The following OR1F1 variants were observed in gnomAD, a reference collection of about 807,000 sequenced individuals.
OR1F1 encodes olfactory receptor 1F1.
For synonymous variants in OR1F1, 184 were observed against 156.7 expected, an observed-to-expected ratio of 1.17 and a Z score of -1.30; for missense variants, 493 against 376.3, an observed-to-expected ratio of 1.31 and a Z score of -2.57.
the OR1F1 span, among the ~76,000 whole-genome samples, chr16:3,194,495 A>T: frequency 6.6e-6 from 1 of 152,318 alleles, no homozygotes; most frequent in South Asian, 2.1e-4. Context: ...AACCTCAGAA[A>T]AGAACGTTCA....
chr16:3,188,458 A>G, the OR1F1 span: 1 of 152,272 alleles, frequency 6.6e-6, no homozygotes, highest in Admixed American at 6.5e-5. Flanking sequence ...AGGATTCCAG[A>G]GTATGGCTGC....
At chr16:3,204,714 C>T in exon 1 of OR1F1, 1 of 1,614,136 alleles carries the variant, frequency 6.2e-7, no homozygotes, top group Non-Finnish European at 8.5e-7. Context: ...ACCTGAATGT[C>T]CTTCTGCACA....
chr16:3,195,255 T>C, the OR1F1 span, among the ~76,000 whole-genome samples: 1 of 152,072 alleles, frequency 6.6e-6, no homozygotes, highest in Non-Finnish European at 1.5e-5. Context: ...GGTAACTCAT[T>C]GTGCTAATTG....
the OR1F1 span, among the ~76,000 whole-genome samples, chr16:3,198,319 C>A: frequency 6.6e-6 from 1 of 151,988 alleles, no homozygotes; most frequent in Non-Finnish European, 1.5e-5. Context: ...CCAGGAAGAG[C>A]GGGTGTTTTC....
the OR1F1 span, among the ~76,000 whole-genome samples, chr16:3,196,699 CTTTTTTT>C: frequency 0.014 from 1,703 of 123,944 alleles, 44 homozygotes; most frequent in African/African-American, 0.049. Flanking sequence ...TGAAATTAAT[CTTTTTTT>C]TTTTTTTTTT....
At chr16:3,191,635 C>T in the OR1F1 span, among the ~76,000 whole-genome samples, 1 of 152,114 alleles carries the variant, frequency 6.6e-6, no homozygotes, top group Non-Finnish European at 1.5e-5. Context: ...TGAACACTAC[C>T]AGGTGCCACA....
At chr16:3,202,517 G>C (rs939173864), upstream of OR1F1, among the ~76,000 whole-genome samples, 2 of 151,942 alleles carry the variant, frequency 1.3e-5, no homozygotes, top group South Asian at 4.1e-4. Context: ...CAGATCTTTC[G>C]TAATTAGCTT....
At chr16:3,195,412 G>GGAAAC in the OR1F1 span, among the ~76,000 whole-genome samples, 4 of 151,662 alleles carry the variant, frequency 2.6e-5, no homozygotes, top group Non-Finnish European at 3.0e-5. Context: ...CAGTGAGAAA[G>GGAAAC]GAAACAGGGC....
chr16:3,196,699 CTTTTT>C, the OR1F1 span, among the ~76,000 whole-genome samples: 1 of 123,960 alleles, frequency 8.1e-6, no homozygotes. Flanking sequence ...TGAAATTAAT[CTTTTT>C]TTTTTTTTTT....
chr16:3,204,023 G>A (rs542095241), upstream of OR1F1, among the ~76,000 whole-genome samples: 67 of 152,230 alleles, frequency 4.4e-4, no homozygotes, highest in African/African-American at 1.6e-3. Context: ...TTACAAATTG[G>A]ACTCAGGGTG....
upstream of OR1F1, among the ~76,000 whole-genome samples, chr16:3,203,369 G>A (rs1026847898): frequency 2.6e-5 from 4 of 152,182 alleles, no homozygotes; most frequent in Admixed American, 6.5e-5. Flanking sequence ...CTCCAGTGAC[G>A]AGTCACCCTC....
upstream of OR1F1, among the ~76,000 whole-genome samples, chr16:3,200,050 C>T (rs1379243402): frequency 6.6e-6 from 1 of 151,656 alleles, no homozygotes; most frequent in African/African-American, 2.4e-5. Context: ...AAGTTAGGTG[C>T]AGAATAGACA....
At chr16:3,193,113 G>C in the OR1F1 span, among the ~76,000 whole-genome samples, 2 of 152,038 alleles carry the variant, frequency 1.3e-5, no homozygotes, top group South Asian at 2.1e-4. Flanking sequence ...TTTTAGTAGA[G>C]ACGGGGTTTC....
the OR1F1 span, among the ~76,000 whole-genome samples, chr16:3,191,729 C>T: frequency 6.6e-6 from 1 of 151,228 alleles, no homozygotes. Flanking sequence ...GTGAAATGAC[C>T]AAAGGCAGCA....
At chr16:3,204,920 T>C in exon 1 of OR1F1, 1 of 1,614,170 alleles carries the variant, frequency 6.2e-7, no homozygotes, top group East Asian at 2.2e-5. Flanking sequence ...ACCTGCACTG[T>C]CCTGAAGGTC....
At chr16:3,200,113 A>C (rs182478060), upstream of OR1F1, among the ~76,000 whole-genome samples, 32 of 152,204 alleles carry the variant, frequency 2.1e-4, no homozygotes, top group African/African-American at 7.0e-4. Flanking sequence ...AGAATGAGAC[A>C]GCAAAGATGC....
the OR1F1 span, among the ~76,000 whole-genome samples, chr16:3,190,880 T>C: frequency 2.7e-3 from 414 of 152,268 alleles, 2 homozygotes; most frequent in Non-Finnish European, 4.7e-3. Context: ...CAATTATCCT[T>C]AGGAAAGGCA....
upstream of OR1F1, among the ~76,000 whole-genome samples, chr16:3,202,349 A>G (rs1958144127): frequency 6.6e-6 from 1 of 152,152 alleles, no homozygotes; most frequent in Non-Finnish European, 1.5e-5. Context: ...AGCTCCCTGA[A>G]TTTGGTCTGG....
the OR1F1 span, among the ~76,000 whole-genome samples, chr16:3,194,176 T>C: frequency 7.9e-5 from 12 of 152,280 alleles, no homozygotes; most frequent in East Asian, 1.9e-4. Flanking sequence ...GAGTGAAGAT[T>C]TTACTTACCT....
Sources: allele counts gnomAD v4.1 joint callset (sites outside exome capture counted in the v4.1 genomes callset), GRCh38; gene constraint gnomAD v4.1.1; transcripts MANE v1.5; gene names NCBI Gene and HGNC (gene_info 2026-07-23, HGNC 2026-07-21).